The following CRISPLD2 variants were observed in gnomAD, a reference collection of about 807,000 sequenced individuals.
The protein encoded by CRISPLD2 is cysteine-rich secretory protein LCCL domain-containing 2.
In CRISPLD2, 47 loss-of-function variants were observed where a neutral mutation model predicts 71.1. The observed-to-expected ratio is 0.66, with a 90% CI of 0.52 to 0.84. The LOEUF is 0.84. Ranked by LOEUF, CRISPLD2 falls within the 40% of genes least tolerant of loss-of-function variation. The probability of loss-of-function intolerance (pLI) is 0.00; values close to 1 mark genes in which losing one functional copy is unlikely to be tolerated. For missense variants in CRISPLD2, 830 were observed against 651.1 expected, an observed-to-expected ratio of 1.27 and a Z score of -2.99; for synonymous variants, 317 against 250.1, an observed-to-expected ratio of 1.27 and a Z score of -2.52.
chr16:84,877,308 A>C (rs2143304084), intron 11 of CRISPLD2, 130 bp from the exon 12 acceptor site: 2 of 733,496 alleles, frequency 2.7e-6, no homozygotes, highest in East Asian at 5.3e-5. Context: ...GCTGGGTCGT[A>C]GTCCCAGCTC....
chr16:84,848,001 C>A (rs2143205651), intron 3 of CRISPLD2, among the ~76,000 whole-genome samples: 1 of 152,326 alleles, frequency 6.6e-6, no homozygotes, highest in South Asian at 2.1e-4. Flanking sequence ...TGAATGATTT[C>A]ATTAGGATTA....
chr16:84,908,868 TA>T lies in CRISPLD2; in HGVS notation c.*2227del, dbSNP rs2071828448. Reference sequence around the variant, plus strand: ...CATGCCCGGCTAATTTTTGTATTTTTAGTAGAGATGGGGTTTCATTATGTTG... The same window carrying T: ...CATGCCCGGCTAATTTTTGTATTTTTGTAGAGATGGGGTTTCATTATGTTG... On this transcript the variant is annotated 3_prime_UTR_variant, in exon 15 of 15. Transcript: ENST00000262424. 6.6e-6 allele frequency: 1 copy of T among 152,036 alleles called. No individual in the cohort carries two copies. The highest frequency in any genetic ancestry group is 1.5e-5 in the Non-Finnish European group (1 of 68,036). The allele number at this position is 152,036 out of a possible 1,614,324, so 9.4% of individuals were successfully genotyped here.
chr16:84,833,153 G>A (rs1221974855), intron 1 of CRISPLD2, among the ~76,000 whole-genome samples: 1 of 152,192 alleles, frequency 6.6e-6, no homozygotes, highest in Non-Finnish European at 1.5e-5. Context: ...CTGCCTCCCT[G>A]CTAGAGTCCA....
At chr16:84,830,360 C>T (rs1283150410) in intron 1 of CRISPLD2, among the ~76,000 whole-genome samples, 4 of 151,992 alleles carry the variant, frequency 2.6e-5, no homozygotes, top group African/African-American at 4.8e-5. Flanking sequence ...AAATGGATTG[C>T]GAACCAGTTC....
chr16:84,867,631 A>G (rs902378813), intron 7 of CRISPLD2, among the ~76,000 whole-genome samples: 4 of 152,122 alleles, frequency 2.6e-5, no homozygotes, highest in African/African-American at 9.7e-5. Context: ...CAGTGGCATG[A>G]TCTCGGCTCA....
intron 14 of CRISPLD2, among the ~76,000 whole-genome samples, chr16:84,899,531 G>C (rs1440225632): frequency 6.6e-6 from 1 of 152,182 alleles, no homozygotes; most frequent in Non-Finnish European, 1.5e-5. Flanking sequence ...ATTTTTCTTG[G>C]TGCCCAAACC....
At chr16:84,855,608 C>T (rs1323896596) in intron 6 of CRISPLD2, among the ~76,000 whole-genome samples, 1 of 152,198 alleles carries the variant, frequency 6.6e-6, no homozygotes, top group African/African-American at 2.4e-5. Flanking sequence ...TGTTAATCTC[C>T]TTTGGCAACA....
chr16:84,895,063 G>A (rs558270408), intron 14 of CRISPLD2, among the ~76,000 whole-genome samples: 1 of 152,154 alleles, frequency 6.6e-6, no homozygotes, highest in South Asian at 2.1e-4. Flanking sequence ...AGACAGGCAG[G>A]TTCCCCTCCT....
At chr16:84,872,712 C>A (rs1250726078) in intron 9 of CRISPLD2, among the ~76,000 whole-genome samples, 1 of 152,198 alleles carries the variant, frequency 6.6e-6, no homozygotes, top group Non-Finnish European at 1.5e-5. Flanking sequence ...GAAGGCCAGT[C>A]TCCGTCTTAG....
At chr16:84,838,187 G>C (rs4782672) in intron 1 of CRISPLD2, among the ~76,000 whole-genome samples, 82,128 of 152,046 alleles carry the variant, frequency 0.54, 22,558 homozygotes, top group Non-Finnish European at 0.58. Context: ...AGGAAGAACT[G>C]TTCTAGGTTA....
At chr16:84,902,085 C>T (rs2071760018) in intron 14 of CRISPLD2, among the ~76,000 whole-genome samples, 1 of 151,832 alleles carries the variant, frequency 6.6e-6, no homozygotes. Context: ...AGGCGTGAGC[C>T]ACCGCGCCTG....
At chr16:84,839,126 A>G (rs1401105552) in intron 2 of CRISPLD2, 8 of 365,378 alleles carry the variant, frequency 2.2e-5, no homozygotes, top group South Asian at 1.2e-4. Context: ...GGCTCAAGCA[A>G]TCCTCCTGCC....
At chr16:84,882,347 C>CAA (rs80146835) in intron 13 of CRISPLD2, among the ~76,000 whole-genome samples, 77 of 77,444 alleles carry the variant, frequency 9.9e-4, no homozygotes, top group East Asian at 1.6e-3. Context: ...ACCAATAAAG[C>CAA]AAAAAAAAAA....
At chr16:84,851,368 G>A (rs919087959) in intron 5 of CRISPLD2, among the ~76,000 whole-genome samples, 2 of 152,206 alleles carry the variant, frequency 1.3e-5, no homozygotes, top group Non-Finnish European at 2.9e-5. Flanking sequence ...CTGATTCTTG[G>A]AGAGTCACTC....
rs528993403 is a variant in CRISPLD2, at chr16:84,828,681, C to A, written c.-75+8548C>A. The stretch of plus-strand genomic sequence containing the variant: ...GAATGTATTAATTTATTACCTGGTC[C>A]CTTAAAAGTGACTTTTCTTATATAT... On this transcript the variant is annotated intron_variant, in intron 1 of 14. Coordinates refer to ENST00000262424, the MANE Select transcript of CRISPLD2 (RefSeq NM_031476.4). 5.9e-5 allele frequency among the ~76,000 whole-genome samples: 9 copies of A among 152,228 alleles called. No individual in the cohort carries two copies. In the East Asian group the frequency reaches 1.7e-3, roughly 29 times the overall value.
chr16:84,866,767 G>T (rs1917548923), intron 6 of CRISPLD2, 130 bp from the exon 7 acceptor site: 2 of 853,538 alleles, frequency 2.3e-6, no homozygotes, highest in Non-Finnish European at 3.6e-6. Flanking sequence ...CTTTCTCTTT[G>T]CCGCTGAAAT....
rs1245813711 is a variant in CRISPLD2 at position 84,849,451 on chromosome 16, C to G, written c.426C>G (p.Tyr142Ter). Residue 142 changes from tyrosine (Y) to a stop codon, truncating the protein, a stop_gained, in exon 4 of 15, where the codon TAC becomes TAG. Transcript: ENST00000262424. LOFTEE classifies it high-confidence loss of function. ...YDEVKDYTYP[Y>*]PSECNPWCPE... ...AGGTGAAGGACTACACCTACCCCTA[C>G]CCGAGCGAGTGCAACCCCTGGTGTC... is the stretch of plus-strand genomic sequence containing the variant. 6.2e-7 allele frequency: 1 copy of G among 1,614,128 alleles called. No homozygotes were observed. Among genetic ancestry groups the G allele is most frequent in the Non-Finnish European group, 8.5e-7 (1 of 1,179,978 alleles).
At chr16:84,886,745 G>T (rs1347735495) in intron 13 of CRISPLD2, among the ~76,000 whole-genome samples, 3 of 152,172 alleles carry the variant, frequency 2.0e-5, no homozygotes, top group East Asian at 1.9e-4. Flanking sequence ...AGCCCGGAAG[G>T]TCAAAGCTCT....
chr16:84,846,032 T>C (rs1916905959), intron 3 of CRISPLD2, 128 bp downstream of exon 3: 1 of 602,270 alleles, frequency 1.7e-6, no homozygotes, highest in Admixed American at 3.1e-5. Context: ...CCATCGATAT[T>C]CTGGGAAACT....
Sources: allele counts gnomAD v4.1 joint callset (sites outside exome capture counted in the v4.1 genomes callset), GRCh38; gene constraint gnomAD v4.1.1; transcripts MANE v1.5; gene names NCBI Gene and HGNC (gene_info 2026-07-23, HGNC 2026-07-21).